Variants in CES3 observed in about 807,000 individuals in gnomAD.
CES3 encodes carboxylesterase 3 (brain).
In CES3, 49 loss-of-function variants were observed where a neutral mutation model predicts 57.6. The ratio of observed to expected loss-of-function variants is 0.85; its 90% CI spans 0.68 to 1.08. The LOEUF is 1.08. Among genes scored for constraint, CES3 ranks in the 50% least tolerant of loss-of-function variants. The pLI, the probability that CES3 is intolerant of heterozygous loss-of-function variation, is 0.00. For synonymous variants in CES3, 266 were observed against 281.6 expected, an observed-to-expected ratio of 0.94 and a Z score of 0.55; for missense variants, 645 against 742.0, an observed-to-expected ratio of 0.87 and a Z score of 1.52.
intron 10 of CES3, among the ~76,000 whole-genome samples, 171 bp from the exon 11 acceptor site, chr16:66,972,185 C>A (rs1470882695): frequency 6.6e-6 from 1 of 152,160 alleles, no homozygotes; most frequent in Non-Finnish European, 1.5e-5. Flanking sequence ...ACAAAGCACA[C>A]AGAATGGTGC....
chr16:66,970,673 A>T (rs1963816979), intron 9 of CES3, among the ~76,000 whole-genome samples: 1 of 152,186 alleles, frequency 6.6e-6, no homozygotes, highest in African/African-American at 2.4e-5. Context: ...GGGCTGTTGT[A>T]AGGAGACTAG....
intron 9 of CES3, 103 bp from the exon 10 acceptor site, chr16:66,971,069 C>T: frequency 7.4e-7 from 1 of 1,345,562 alleles, no homozygotes; most frequent in Non-Finnish European, 1.0e-6. Flanking sequence ...GACCATCAGC[C>T]CTGGGATTTG....
intron 10 of CES3, 125 bp from the exon 11 acceptor site, chr16:66,972,231 C>A: frequency 1.0e-6 from 1 of 988,438 alleles, no homozygotes; most frequent in Non-Finnish European, 1.5e-6. Context: ...ATGTTTGCAG[C>A]TAGTCATTTT....
chr16:66,963,084 G>T lies in CES3; in HGVS notation c.83-95G>T. ...TGGGAAGGTTACCAAGATGCTGTGT[G>T]GTAAGTACTGAGAACAGCCTGAGGG... is the stretch of plus-strand genomic sequence containing the variant. On this transcript the variant is annotated intron_variant, in intron 1 of 12. Coordinates refer to ENST00000303334, the MANE Select transcript of CES3 (RefSeq NM_024922.6). The surrounding 1 kb of genome is among the most constrained non-coding windows in gnomAD (Gnocchi z 4.9). 7.7e-7 allele frequency: 1 copy of T among 1,292,744 alleles called. No individual in the cohort carries two copies. Among genetic ancestry groups the T allele is most frequent in the Non-Finnish European group, 1.1e-6 (1 of 899,668 alleles). The allele number at this position is 1,292,744 out of a possible 1,614,324, so 80.1% of individuals were successfully genotyped here.
chr16:66,966,206 G>A (rs779742558), intron 6 of CES3, 38 bp from the exon 7 acceptor site: 21 of 1,588,916 alleles, frequency 1.3e-5, no homozygotes, highest in South Asian at 2.2e-5. Context: ...GGGGCTGAGT[G>A]GCTGAGAGGG....
rs1367819599 is a variant in CES3, at chr16:66,961,293, C to T, written c.-15C>T. The T allele has an allele frequency of 6.2e-7, 1 of 1,610,802 alleles. No individual in the cohort carries two copies. The highest frequency in any genetic ancestry group is 1.7e-5 in the Admixed American group (1 of 59,926). ...TCCACCTTCTGAAGCTTCTGTCGAA[C>T]CAGTTGTAAGGAGAATGGAGAGAGC... is the stretch of plus-strand genomic sequence containing the variant. On this transcript the variant is annotated 5_prime_UTR_variant, in exon 1 of 13. Coordinates refer to ENST00000303334, the MANE Select transcript of CES3 (RefSeq NM_024922.6).
intron 6 of CES3, among the ~76,000 whole-genome samples, chr16:66,965,078 C>G (rs979073404): frequency 1.9e-4 from 29 of 152,202 alleles, no homozygotes; most frequent in Admixed American, 1.7e-3. Flanking sequence ...AGATCCCCAC[C>G]CTAGATCCTC....
intron 6 of CES3, among the ~76,000 whole-genome samples, chr16:66,965,537 T>C (rs1480671202): frequency 6.6e-6 from 1 of 152,180 alleles, no homozygotes; most frequent in Non-Finnish European, 1.5e-5. Flanking sequence ...GTGTACAAGA[T>C]GATTCTGGAA....
intron 1 of CES3, among the ~76,000 whole-genome samples, chr16:66,962,794 G>A: frequency 6.6e-6 from 1 of 152,252 alleles, no homozygotes; most frequent in East Asian, 1.9e-4. Context: ...CTACTTGGGA[G>A]GCTGAGGCCC....
In CES3 at chr16:66,969,704, A is replaced by C. The variant is rs761543445; in HGVS notation, c.1088A>C (p.Glu363Ala). 1 of 1,613,352 alleles carries C rather than the reference A, an allele frequency of 6.2e-7. No homozygotes were observed. The highest frequency in any genetic ancestry group is 1.1e-5 in the South Asian group (1 of 90,800). Residue 363 changes from glutamate to alanine, a missense_variant, in exon 9 of 13, where the codon GAG (glutamate) becomes GCG (alanine). Coordinates refer to ENST00000303334, the MANE Select transcript of CES3 (RefSeq NM_024922.6). ...PRGWGLLDTM[E>A]QMSREDMLAI... ...GGCTGGGGTCTCCTGGATACAATGG[A>C]GCAGATGAGCCGGGAGGACATGCTG...
Position 66,963,547 on chromosome 16 carries a change from A to G in CES3, c.344A>G (p.Gln115Arg). 1 of 1,614,212 alleles carries G rather than the reference A, an allele frequency of 6.2e-7. No homozygotes were observed. The highest frequency in any genetic ancestry group is 8.5e-7 in the Non-Finnish European group (1 of 1,180,038). The change falls in exon 3 of 13, where the codon CAG becomes CGG. Residue 115 changes from glutamine to arginine, a missense_variant. By Grantham distance (43) the Gln-to-Arg change is conservative (BLOSUM62 1). Coordinates refer to ENST00000303334, the MANE Select transcript of CES3 (RefSeq NM_024922.6). This position sits in a 1 kb window ranked among gnomAD's most constrained non-coding sequence, Gnocchi z 4.9. Reference sequence around the variant, plus strand: ...AGCAGATTTGTCCTCAACGGAAAACAGCAGATCTTCTCCGTTTCAGAGGAC... The same window carrying G: ...AGCAGATTTGTCCTCAACGGAAAACGGCAGATCTTCTCCGTTTCAGAGGAC... ...NSSRFVLNGK[Q>R]QIFSVSEDCL...
intron 7 of CES3, 167 bp from the exon 8 acceptor site, chr16:66,966,558 T>C: frequency 3.4e-6 from 3 of 888,234 alleles, no homozygotes; most frequent in Non-Finnish European, 5.1e-6. Flanking sequence ...ACGCATCTGT[T>C]GCCCTGATCT....
chr16:66,964,387 G>A lies in CES3; in HGVS notation c.591G>A (p.Gln197=), dbSNP rs1963699876. Residue 197 remains glutamine, a synonymous_variant, in exon 5 of 13, where the codon CAG becomes CAA. Coordinates refer to ENST00000303334, the MANE Select transcript of CES3 (RefSeq NM_024922.6). ...GAGATGAGCATGCACCTGGCAACCA[G>A]GGCTTCCTAGATGTGGTAGCTGCTT... ...STGDEHAPGN[Q]GFLDVVAALR... 2 of 1,614,094 alleles carry A rather than the reference G, an allele frequency of 1.2e-6. No homozygotes were observed.
chr16:66,961,370 A>C lies in CES3; in HGVS notation c.63A>C (p.Ala21=). 1 of 1,612,564 alleles carries C rather than the reference A, an allele frequency of 6.2e-7. No homozygotes were observed. The highest frequency in any genetic ancestry group is 8.5e-7 in the Non-Finnish European group (1 of 1,179,594). The change falls in exon 1 of 13, where the codon GCA becomes GCC. Residue 21 remains alanine, a synonymous_variant. Coordinates refer to ENST00000303334, the MANE Select transcript of CES3 (RefSeq NM_024922.6). ...TCGGGGTGGTCTGTCTGCTCCTGGC[A>C]TGCCCTGCCACAGCCACTGGTAAGA... ...VLVGVVCLLL[A]CPATATGPEV... is the part of the protein sequence containing the mutation.
chr16:66,967,653 C>T, intron 8 of CES3: 1 of 985,332 alleles, frequency 1.0e-6, no homozygotes, highest in Non-Finnish European at 1.2e-6. Context: ...ATTCTTCTAC[C>T]CATCTTCACA....
chr16:66,963,574 G>C lies in CES3; in HGVS notation c.371G>C (p.Cys124Ser). 2 of 1,614,210 alleles carry C rather than the reference G, an allele frequency of 1.2e-6. No individual in the cohort carries two copies. The highest frequency in any genetic ancestry group is 1.7e-6 in the Non-Finnish European group (2 of 1,180,022). Residue 124 changes from cysteine to serine, a missense_variant, in exon 3 of 13, where the codon TGC becomes TCC. Physicochemically the swap from Cys to Ser is moderately radical, Grantham distance 112. Transcript: ENST00000303334. The surrounding 1 kb of genome is among the most constrained non-coding windows in gnomAD (Gnocchi z 4.9). ...CAGATCTTCTCCGTTTCAGAGGACT[G>C]CCTGGTCCTCAACGTCTATAGCCCA... is the stretch of plus-strand genomic sequence containing the variant. ...KQQIFSVSED[C>S]LVLNVYSPAE...
chr16:66,969,545 T>C, intron 8 of CES3, 134 bp from the exon 9 acceptor site: 1 of 765,650 alleles, frequency 1.3e-6, no homozygotes, highest in Non-Finnish European at 2.2e-6. Context: ...CTGTGGACTT[T>C]TCGGCCCCAT....
In CES3 at chr16:66,963,029, G is replaced by C. The variant is rs755471610; in HGVS notation, c.83-150G>C. On this transcript the variant is annotated intron_variant, in intron 1 of 12. Coordinates refer to ENST00000303334, the MANE Select transcript of CES3 (RefSeq NM_024922.6). The surrounding 1 kb of genome is among the most constrained non-coding windows in gnomAD (Gnocchi z 4.9). Reference sequence around the variant, plus strand: ...GCAGGCAGGGAGGAGGAAGTTGGGCGTCAACCTAAGACCAGGCTCACCGGC... The same window carrying C: ...GCAGGCAGGGAGGAGGAAGTTGGGCCTCAACCTAAGACCAGGCTCACCGGC... 2.4e-6 allele frequency: 2 copies of C among 827,340 alleles called. No homozygotes were observed. Among genetic ancestry groups the C allele is most frequent in the Non-Finnish European group, 4.0e-6 (2 of 497,992 alleles). 51.2% of individuals were successfully genotyped at this position (827,340 alleles called of 1,614,324 possible). A position where few individuals can be genotyped will look rare whatever the true frequency, so the allele number is the denominator to read the frequency against.
Position 66,969,731 on chromosome 16 carries a change from C to T in CES3, c.1115C>T (p.Ala372Val), listed in dbSNP as rs780817473. ...CAGATGAGCCGGGAGGACATGCTGG[C>T]CATCTCAACACCCGTCTTGACCAGT... ...MEQMSREDML[A>V]ISTPVLTSLD... The change falls in exon 9 of 13, where the codon GCC (alanine) becomes GTC (valine). Residue 372 changes from alanine to valine, a missense_variant. Physicochemically the swap from Ala to Val is moderately conservative, Grantham distance 64 (BLOSUM62 0). Transcript: ENST00000303334. 1.9e-6 allele frequency: 3 copies of T among 1,613,222 alleles called. No homozygotes were observed. The highest frequency in any genetic ancestry group is 8.5e-7 in the Non-Finnish European group (1 of 1,179,662).
Sources: allele counts gnomAD v4.1 joint callset (sites outside exome capture counted in the v4.1 genomes callset), GRCh38; gene constraint gnomAD v4.1.1; non-coding constraint Gnocchi (gnomAD v3.1); transcripts MANE v1.5; gene names NCBI Gene and HGNC (gene_info 2026-07-23, HGNC 2026-07-21).